ABCC6: variants seen among roughly 807,000 people sequenced by gnomAD.
The protein encoded by ABCC6 is ATP-binding cassette sub-family C member 6.
ABCC6 carries 126 observed loss-of-function variants against 169.5 expected under a neutral mutation model. The observed-to-expected ratio is 0.74, with a 90% CI of 0.64 to 0.86. The LOEUF (loss-of-function observed/expected upper bound fraction) is 0.86. ABCC6 is among the 40% of genes least tolerant of loss of function. The pLI is 0.00. For synonymous variants in ABCC6, 752 were observed against 814.7 expected (o/e 0.92, Z 1.31); for missense variants, 1,733 against 1,927.2 (o/e 0.90, Z 1.89).
At chr16:16,162,146 A>G (rs148346985) in intron 24 of ABCC6, among the ~76,000 whole-genome samples, 1 of 152,322 alleles carries the variant, frequency 6.6e-6, no homozygotes, top group Non-Finnish European at 1.5e-5. Context: ...AACTGAGTCA[A>G]TTAAACCTTC....
intron 12 of ABCC6, among the ~76,000 whole-genome samples, chr16:16,189,870 G>A (rs1012888897): frequency 6.6e-6 from 1 of 152,086 alleles, no homozygotes; most frequent in Admixed American, 6.6e-5. Context: ...TCTGACCCAG[G>A]ATTCTACCTC....
intron 20 of ABCC6, among the ~76,000 whole-genome samples, chr16:16,174,133 G>A (rs998128826): frequency 1.3e-5 from 2 of 152,078 alleles, no homozygotes; most frequent in African/African-American, 4.8e-5. Flanking sequence ...TTAGCCCAAA[G>A]CTGCCTCCTT....
chr16:16,192,849 T>C lies in ABCC6; in HGVS notation c.1412A>G (p.Lys471Arg), dbSNP rs780432555. Reference sequence around the variant, plus strand: ...CCAAACCTGATGGTGGTTCCTTTTCTTGGAGATGAAGAAATTCAGAGGGAG... The same window carrying C: ...CCAAACCTGATGGTGGTTCCTTTTCCTGGAGATGAAGAAATTCAGAGGGAG... ...SLLPLNFFIS[K>R]KRNHHQEEQM... Residue 471 changes from lysine (K) to arginine (R), a missense_variant, in exon 11 of 31, where the codon AAG (lysine) becomes AGG (arginine). This residue lies in a region of ABCC6 where 1,601 missense variants were observed against 1,635.5 expected (regional missense o/e 0.98). Transcript: ENST00000205557. 5.0e-6 allele frequency: 8 copies of C among 1,613,914 alleles called. No individual in the cohort carries two copies. In the African/African-American group the frequency reaches 9.3e-5, roughly 19 times the overall value.
chr16:16,215,687 T>A lies in ABCC6; in HGVS notation c.475-1238A>T, dbSNP rs541423454. Among the ~76,000 whole-genome samples, 10 of 152,078 alleles carry A rather than the reference T, an allele frequency of 6.6e-5. No homozygotes were observed. In the South Asian group the frequency reaches 2.1e-3, roughly 32 times the overall value. On this transcript the variant is annotated intron_variant, in intron 4 of 30. Coordinates refer to ENST00000205557, the MANE Select transcript of ABCC6 (RefSeq NM_001171.6). ...TGGAGTTTTACCATGTAGGCCAGGC[T>A]GGTCTTGAACTCCTGACCTCAGGTG... is the stretch of plus-strand genomic sequence containing the variant.
At chr16:16,168,862 T>C (rs2046966167) in intron 22 of ABCC6, among the ~76,000 whole-genome samples, 1 of 151,920 alleles carries the variant, frequency 6.6e-6, no homozygotes, top group Non-Finnish European at 1.5e-5. Flanking sequence ...GGGCAGATCA[T>C]TTGAGGTCAG....
intron 13 of ABCC6, 128 bp downstream of exon 13, chr16:16,188,703 T>C (rs1464772943): frequency 1.1e-5 from 15 of 1,344,982 alleles, no homozygotes; most frequent in Non-Finnish European, 1.4e-5. Context: ...CTTTTCCAGC[T>C]CCACACCATC....
chr16:16,206,861 G>A (rs913862259), intron 7 of ABCC6, among the ~76,000 whole-genome samples: 1 of 152,124 alleles, frequency 6.6e-6, no homozygotes, highest in African/African-American at 2.4e-5. Flanking sequence ...GGTGAGTCAG[G>A]TGCAGTAGCT....
At chr16:16,155,269 TC>T in intron 27 of ABCC6, 1 of 592,224 alleles carries the variant, frequency 1.7e-6, no homozygotes, top group South Asian at 2.1e-5. Context: ...CCCATCTTTC[TC>T]CCCACCCTTC....
chr16:16,183,027 G>C (rs1023781872), intron 15 of ABCC6, 97 bp from the exon 16 acceptor site: 1 of 1,585,174 alleles, frequency 6.3e-7, no homozygotes, highest in African/African-American at 1.3e-5. Context: ...TTCCTGCTCT[G>C]GGAGTCTCCA....
In ABCC6 at chr16:16,190,685, C is replaced by CT. The variant is rs1354931045; in HGVS notation, c.1432-319dup. Among the ~76,000 whole-genome samples the CT allele has an allele frequency of 3.6e-3, 513 of 142,364 alleles. 1 individual carries two copies. The highest frequency in any genetic ancestry group is 9.1e-3 in the African/African-American group (355 of 38,948). 93.4% of individuals were successfully genotyped at this position (142,364 alleles called of 152,430 possible). On this transcript the variant is annotated intron_variant, in intron 11 of 30. Coordinates refer to ENST00000205557, the MANE Select transcript of ABCC6 (RefSeq NM_001171.6). ...GAGGTGGTTGATGCCTGAGCTACGT[C>CT]TTTTTTTTTTTTTACCTTTTACATT...
intron 21 of ABCC6, 139 bp from the exon 22 acceptor site, chr16:16,169,992 T>A: frequency 1.2e-6 from 1 of 858,852 alleles, no homozygotes; most frequent in Non-Finnish European, 1.9e-6. Flanking sequence ...GTTCTCCCGC[T>A]GTGCCTCCCA....
chr16:16,197,350 T>C (rs948455732), intron 10 of ABCC6, among the ~76,000 whole-genome samples: 6 of 151,942 alleles, frequency 3.9e-5, no homozygotes, highest in African/African-American at 1.5e-4. Context: ...GTCATCCTTA[T>C]TGAGGACTTT....
At position 16,149,576 on chromosome 16, in the gene ABCC6, C is replaced by T. The variant is rs2046334247; in HGVS notation, c.*557G>A. ...CACACACACAGGAGTACAGGTAAAA[C>T]GGGAAATCGAGCAAGATTGTTGTGT... On this transcript the variant is annotated 3_prime_UTR_variant, in exon 31 of 31. Coordinates refer to ENST00000205557, the MANE Select transcript of ABCC6 (RefSeq NM_001171.6). 1.3e-5 allele frequency: 3 copies of T among 236,768 alleles called. No individual in the cohort carries two copies. The highest frequency in any genetic ancestry group is 1.1e-4 in the South Asian group (1 of 8,780). The allele number at this position is 236,768 out of a possible 1,614,324, so 14.7% of individuals were successfully genotyped here. A position where few individuals can be genotyped will look rare whatever the true frequency, so the allele number is the denominator to read the frequency against.
In ABCC6 at chr16:16,202,313, G is replaced by GT. The variant is rs201806503; in HGVS notation, c.999-136dup. 603 of 1,000,458 alleles carry GT rather than the reference G, an allele frequency of 6.0e-4. 1 individual carries two copies. The highest frequency in any genetic ancestry group is 4.6e-3 in the East Asian group (174 of 37,896). The allele number at this position is 1,000,458 out of a possible 1,614,324, so 62.0% of individuals were successfully genotyped here. Reference sequence around the variant, plus strand: ...CAGGTGTGGAGGATCAGTCAGTGTGGTTTTTTTTGCAATAATGGTCTCCGT... The same window carrying GT: ...CAGGTGTGGAGGATCAGTCAGTGTGGTTTTTTTTTGCAATAATGGTCTCCGT... On this transcript the variant is annotated intron_variant, in intron 8 of 30. Transcript: ENST00000205557.
chr16:16,150,812 T>G, intron 29 of ABCC6, 40 bp from the exon 30 acceptor site: 3 of 1,603,512 alleles, frequency 1.9e-6, no homozygotes, highest in African/African-American at 1.3e-5. Context: ...CGTGCGTTTG[T>G]CGGCACATGG....
intron 15 of ABCC6, among the ~76,000 whole-genome samples, chr16:16,183,804 G>C (rs73524048): frequency 3.9e-5 from 6 of 152,068 alleles, no homozygotes; most frequent in African/African-American, 1.4e-4. Context: ...CCCAACAAAG[G>C]AGTTTCAGCC....
In ABCC6 at chr16:16,150,248, G is replaced by T. The variant is rs1286395823; in HGVS notation, c.4404-7C>A. On this transcript the variant is annotated splice_region_variant and splice_polypyrimidine_tract_variant and intron_variant, in intron 30 of 30. Coordinates refer to ENST00000205557, the MANE Select transcript of ABCC6 (RefSeq NM_001171.6). ...CTTGTCCATGACCAGAACCCTGTGGGGGAGAGGGAGACAGAGAGGCTCTTT... is the reference window on the plus strand; with the variant it reads ...CTTGTCCATGACCAGAACCCTGTGGTGGAGAGGGAGACAGAGAGGCTCTTT... The T allele has an allele frequency of 1.2e-6, 2 of 1,613,920 alleles. No individual in the cohort carries two copies. Among genetic ancestry groups the T allele is most frequent in the Non-Finnish European group, 1.7e-6 (2 of 1,179,990 alleles).
intron 7 of ABCC6, among the ~76,000 whole-genome samples, chr16:16,207,518 A>G (rs1010625290): frequency 1.3e-5 from 2 of 152,014 alleles, no homozygotes; most frequent in African/African-American, 4.8e-5. Flanking sequence ...ACCTGAGGCT[A>G]GATCCTCTTA....
chr16:16,163,373 C>G (rs2046786017), intron 23 of ABCC6, among the ~76,000 whole-genome samples, 181 bp from the exon 24 acceptor site: 1 of 152,172 alleles, frequency 6.6e-6, no homozygotes, highest in Non-Finnish European at 1.5e-5. Flanking sequence ...AATCAGAGTT[C>G]TATGGTTTTT....
Sources: gnomAD v4.1 joint callset for allele counts (sites outside exome capture counted in the v4.1 genomes callset) on GRCh38, gnomAD v4.1.1 for gene constraint, gnomAD v4.1.1 regional missense constraint, MANE v1.5 for transcripts, NCBI Gene and HGNC (gene_info 2026-07-23, HGNC 2026-07-21) for gene names.